Variants in SLC44A2 observed in about 807,000 individuals in gnomAD.
SLC44A2 encodes solute carrier family 44 member 2 (CTL2 blood group).
A neutral mutation model predicts 90.8 loss-of-function variants in SLC44A2; 57 were observed. That is an observed-to-expected ratio of 0.63 (90% CI 0.51 to 0.78). SLC44A2 has a LOEUF of 0.78. Ranked by LOEUF, SLC44A2 falls within the 30% of genes least tolerant of loss-of-function variation. The pLI is 0.00. For missense variants in SLC44A2, 794 were observed against 919.7 expected, an observed-to-expected ratio of 0.86 and a Z score of 1.77; for synonymous variants, 355 against 360.7, an observed-to-expected ratio of 0.98 and a Z score of 0.18.
chr19:10,642,609 T>A (rs1379428833), intron 21 of SLC44A2, among the ~76,000 whole-genome samples, 158 bp downstream of exon 21: 1 of 152,042 alleles, frequency 6.6e-6, no homozygotes, highest in East Asian at 1.9e-4. Context: ...CTTCCTGGTT[T>A]CCTTTTGCGC....
At chr19:10,630,831 C>T (rs1191420396) in intron 4 of SLC44A2, among the ~76,000 whole-genome samples, 1 of 151,152 alleles carries the variant, frequency 6.6e-6, no homozygotes, top group Non-Finnish European at 1.5e-5. Flanking sequence ...TGGTGGAAAC[C>T]CCATCTCTAC....
At chr19:10,622,838 G>C (rs1481032019), upstream of SLC44A2, among the ~76,000 whole-genome samples, 1 of 152,162 alleles carries the variant, frequency 6.6e-6, no homozygotes, top group African/African-American at 2.4e-5. Flanking sequence ...GGAGGTCAAA[G>C]CTACAGTGAG....
At chr19:10,641,852 TC>T (rs2067119422) in intron 20 of SLC44A2, among the ~76,000 whole-genome samples, 1 of 136,008 alleles carries the variant, frequency 7.4e-6, no homozygotes. Context: ...AGACCCTGTC[TC>T]AAAAAAAGAA....
At position 10,637,836 on chromosome 19, in the gene SLC44A2, T is replaced by G; in HGVS notation, c.1696-20T>G. On this transcript the variant is annotated intron_variant, in intron 17 of 21. Transcript: ENST00000335757. ...ATGCCCACCCAGTGGGTCTGATCTC[T>G]CCCTCCCACTCTCCTCCAGATTGCC... 1 of 1,613,982 alleles carries G rather than the reference T, an allele frequency of 6.2e-7. No homozygotes were observed. The highest frequency in any genetic ancestry group is 2.2e-5 in the East Asian group (1 of 44,872).
At chr19:10,635,742 G>T in intron 14 of SLC44A2, 1 of 462,310 alleles carries the variant, frequency 2.2e-6, no homozygotes. Flanking sequence ...CCTTCACCCT[G>T]GGTGCTAAAT....
intron 1 of SLC44A2, among the ~76,000 whole-genome samples, chr19:10,609,546 C>T (rs546074412): frequency 2.8e-4 from 43 of 152,186 alleles, no homozygotes; most frequent in South Asian, 1.2e-3. Context: ...GTGATCCACC[C>T]GCCTCAGTCT....
intron 1 of SLC44A2, among the ~76,000 whole-genome samples, chr19:10,611,706 G>A (rs952122387): frequency 2.0e-5 from 3 of 151,452 alleles, no homozygotes; most frequent in Non-Finnish European, 2.9e-5. Context: ...CCTGTGGTCC[G>A]AGCCACTCTG....
intron 20 of SLC44A2, among the ~76,000 whole-genome samples, chr19:10,640,327 G>T (rs973601297): frequency 6.6e-6 from 1 of 152,102 alleles, no homozygotes; most frequent in Non-Finnish European, 1.5e-5. Context: ...CTGACCTCAG[G>T]TGATCCACCC....
chr19:10,623,018 C>G (rs2066903790), upstream of SLC44A2, among the ~76,000 whole-genome samples: 1 of 152,178 alleles, frequency 6.6e-6, no homozygotes, highest in Admixed American at 6.6e-5. Context: ...GAGGGCTTAA[C>G]TTTTGGGACT....
At position 10,637,690 on chromosome 19, in the gene SLC44A2, C is replaced by T. The variant is rs1044497662; in HGVS notation, c.1638C>T (p.Cys546=). Residue 546 remains cysteine, a synonymous_variant, in exon 17 of 22, where the codon TGC becomes TGT. Coordinates refer to ENST00000335757, the MANE Select transcript of SLC44A2 (RefSeq NM_020428.4). ...FAKCLMTCLK[C]CFWCLEKFIK... ...AGTGCCTCATGACCTGTCTCAAATGCTGCTTCTGGTGCCTGGAGAAGTTCA... is the reference window on the plus strand; with the variant it reads ...AGTGCCTCATGACCTGTCTCAAATGTTGCTTCTGGTGCCTGGAGAAGTTCA... 3 of 1,614,020 alleles carry T rather than the reference C, an allele frequency of 1.9e-6. No homozygotes were observed. The African/African-American group carries it at 4.0e-5, about 22-fold the overall frequency.
intron 1 of SLC44A2, among the ~76,000 whole-genome samples, chr19:10,611,458 T>TAATA (rs1311641111): frequency 4.0e-5 from 6 of 150,200 alleles, no homozygotes; most frequent in South Asian, 2.1e-4. Flanking sequence ...TTTCAAAAAA[T>TAATA]AATAAATAAA....
upstream of SLC44A2, chr19:10,625,449 C>G (rs1029153403): frequency 2.5e-6 from 3 of 1,214,150 alleles, no homozygotes; most frequent in Admixed American, 1.3e-4. Context: ...CGCGCCCTCC[C>G]GGGTCCCTTA....
chr19:10,636,455 T>G lies in SLC44A2; in HGVS notation c.1366T>G (p.Leu456Val), dbSNP rs146200895. The change falls in exon 15 of 22, where the codon TTG becomes GTG. Residue 456 changes from leucine (L) to valine (V), a missense_variant. Transcript: ENST00000335757. ...QIFNAFMFFW[L>V]ANFVLALGQV... Reference sequence around the variant, plus strand: ...CTTCAATGCCTTCATGTTCTTCTGGTTGGCCAACTTCGTGCTGGCGCTGGG... The same window carrying G: ...CTTCAATGCCTTCATGTTCTTCTGGGTGGCCAACTTCGTGCTGGCGCTGGG... 1.2e-6 allele frequency: 2 copies of G among 1,613,972 alleles called. No individual in the cohort carries two copies. Among genetic ancestry groups the G allele is most frequent in the Non-Finnish European group, 1.7e-6 (2 of 1,180,026 alleles).
chr19:10,615,802 C>T (rs558428094), intron 1 of SLC44A2, among the ~76,000 whole-genome samples: 1 of 152,172 alleles, frequency 6.6e-6, no homozygotes, highest in East Asian at 1.9e-4. Context: ...CCATGGGCAC[C>T]TTCTTTCTCT....
Position 10,631,150 on chromosome 19 carries a change from G to A in SLC44A2, c.330+9G>A. 2 of 1,612,946 alleles carry A rather than the reference G, an allele frequency of 1.2e-6. No homozygotes were observed. The highest frequency in any genetic ancestry group is 8.5e-7 in the Non-Finnish European group (1 of 1,179,218). ...AATGTCCCACTCCCCAGGTAACCTGGTCCCCACCGTTCCCTTTTTCCTCTC... is the reference window on the plus strand; with the variant it reads ...AATGTCCCACTCCCCAGGTAACCTGATCCCCACCGTTCCCTTTTTCCTCTC... On this transcript the variant is annotated intron_variant, in intron 5 of 21. Coordinates refer to ENST00000335757, the MANE Select transcript of SLC44A2 (RefSeq NM_020428.4).
At chr19:10,642,045 A>T (rs1318678303) in intron 20 of SLC44A2, among the ~76,000 whole-genome samples, 1 of 151,892 alleles carries the variant, frequency 6.6e-6, no homozygotes, top group African/African-American at 2.4e-5. Flanking sequence ...CTGTAGTCCC[A>T]GCTCCTCCGG....
At chr19:10,613,034 A>T (rs1347045813) in intron 1 of SLC44A2, among the ~76,000 whole-genome samples, 1 of 148,924 alleles carries the variant, frequency 6.7e-6, no homozygotes, top group Non-Finnish European at 1.5e-5. Context: ...GGGATTGGAG[A>T]AGTTTTTGTT....
chr19:10,631,026 A>G (rs1462834038), intron 4 of SLC44A2, 31 bp from the exon 5 acceptor site: 2 of 1,538,682 alleles, frequency 1.3e-6, no homozygotes, highest in Admixed American at 3.6e-5. Context: ...AAAAATCTTA[A>G]CAGTTTCCAT....
intron 1 of SLC44A2, among the ~76,000 whole-genome samples, chr19:10,612,185 T>C (rs1002970325): frequency 6.6e-6 from 1 of 151,610 alleles, no homozygotes; most frequent in African/African-American, 2.4e-5. Flanking sequence ...CTGGGCAACA[T>C]AGTGAGACCC....
Sources: gnomAD v4.1 joint callset for allele counts (sites outside exome capture counted in the v4.1 genomes callset) on GRCh38, gnomAD v4.1.1 for gene constraint, MANE v1.5 for transcripts, NCBI Gene and HGNC (gene_info 2026-07-23, HGNC 2026-07-21) for gene names.